GATAD2A: variants seen among roughly 807,000 people sequenced by gnomAD.
GATAD2A encodes the protein GATA zinc finger domain containing 2A, also known as transcriptional repressor p66-alpha.
Under a neutral mutation model 68.5 loss-of-function variants are expected in GATAD2A, and 12 were observed. The observed-to-expected ratio is 0.18, with a 90% CI of 0.11 to 0.28. The LOEUF is 0.28. Ranked by LOEUF, GATAD2A falls within the 10% of genes least tolerant of loss-of-function variation. GATAD2A has a pLI of 1.00. For synonymous variants in GATAD2A, 410 were observed against 375.3 expected (o/e 1.09, Z -1.07); for missense variants, 755 against 868.5 (o/e 0.87, Z 1.64).
At chr19:19,492,246 G>A in intron 2 of GATAD2A, 60 bp from the exon 3 acceptor site, 2 of 1,532,452 alleles carry the variant, frequency 1.3e-6, no homozygotes, top group Non-Finnish European at 1.8e-6. Context: ...GTGTCCACAG[G>A]GGTGGGCACT....
chr19:19,473,747 C>G (rs1228458936), intron 2 of GATAD2A, among the ~76,000 whole-genome samples: 1 of 148,034 alleles, frequency 6.8e-6, no homozygotes, highest in Admixed American at 6.8e-5. Flanking sequence ...ACCATCCTGG[C>G]TAACATGGTG....
intron 1 of GATAD2A, among the ~76,000 whole-genome samples, chr19:19,448,081 C>G (rs1042842939): frequency 1.3e-4 from 20 of 152,244 alleles, no homozygotes; most frequent in African/African-American, 4.1e-4. Flanking sequence ...AGGCGTAACC[C>G]TTCGTAGGCC....
intron 1 of GATAD2A, among the ~76,000 whole-genome samples, chr19:19,424,286 G>A (rs2052794006): frequency 6.6e-6 from 1 of 152,120 alleles, no homozygotes; most frequent in South Asian, 2.1e-4. Flanking sequence ...CTAGAGTGCA[G>A]TGGCGTGATA....
intron 1 of GATAD2A, among the ~76,000 whole-genome samples, chr19:19,394,257 A>G (rs897420711): frequency 4.6e-5 from 7 of 152,204 alleles, no homozygotes; most frequent in Admixed American, 3.9e-4. Flanking sequence ...ATGGCAATGC[A>G]TATTACACTA....
At chr19:19,417,869 A>G (rs749260058) in intron 1 of GATAD2A, among the ~76,000 whole-genome samples, 1 of 152,104 alleles carries the variant, frequency 6.6e-6, no homozygotes, top group African/African-American at 2.4e-5. Flanking sequence ...CTGTTTGACA[A>G]CTGTTGGAGT....
intron 1 of GATAD2A, among the ~76,000 whole-genome samples, chr19:19,407,420 G>T (rs900177463): frequency 6.6e-6 from 1 of 152,188 alleles, no homozygotes; most frequent in African/African-American, 2.4e-5. Flanking sequence ...CAATCCCGTG[G>T]GGAGTAGGGA....
At chr19:19,501,538 G>T in intron 9 of GATAD2A, 122 bp downstream of exon 9, 1 of 778,938 alleles carries the variant, frequency 1.3e-6, no homozygotes, top group African/African-American at 1.7e-5. Flanking sequence ...AGTTAATGGT[G>T]GTGTTGGGCG....
chr19:19,442,614 T>C (rs1273555030), intron 1 of GATAD2A, among the ~76,000 whole-genome samples: 1 of 151,512 alleles, frequency 6.6e-6, no homozygotes, highest in South Asian at 2.1e-4. Context: ...GGCAACAGAG[T>C]AAGACTGTGT....
chr19:19,413,912 G>A (rs1219787531), intron 1 of GATAD2A, among the ~76,000 whole-genome samples: 2 of 152,094 alleles, frequency 1.3e-5, no homozygotes, highest in African/African-American at 4.8e-5. Context: ...TAATACGTTC[G>A]TTTGATGAAC....
intron 2 of GATAD2A, among the ~76,000 whole-genome samples, chr19:19,467,104 G>A (rs186767220): frequency 3.6e-4 from 55 of 152,322 alleles, no homozygotes; most frequent in Admixed American, 6.5e-4. Context: ...AGCTGGGCGC[G>A]GTGACTCACG....
intron 10 of GATAD2A, 46 bp downstream of exon 10, chr19:19,502,089 C>T: frequency 2.1e-6 from 3 of 1,401,980 alleles, no homozygotes; most frequent in Non-Finnish European, 3.0e-6. Flanking sequence ...CCCACCGCAG[C>T]CCGTGACCAC....
chr19:19,394,053 AT>A (rs1390612222), intron 1 of GATAD2A, among the ~76,000 whole-genome samples: 6 of 151,810 alleles, frequency 4.0e-5, no homozygotes, highest in Admixed American at 1.3e-4. Context: ...CGGCTGGCTA[AT>A]TTTTTGTGTT....
At chr19:19,425,707 G>A (rs1326428912) in intron 1 of GATAD2A, among the ~76,000 whole-genome samples, 4 of 152,154 alleles carry the variant, frequency 2.6e-5, no homozygotes. Context: ...CCCCAGTGCA[G>A]CAACTCCCAT....
At chr19:19,397,961 T>C (rs1278531663) in intron 1 of GATAD2A, among the ~76,000 whole-genome samples, 3 of 152,208 alleles carry the variant, frequency 2.0e-5, no homozygotes, top group Non-Finnish European at 4.4e-5. Context: ...TGGAGTGCAG[T>C]GGCGTGATCT....
At chr19:19,409,703 G>A (rs931035993) in intron 1 of GATAD2A, among the ~76,000 whole-genome samples, 10 of 151,320 alleles carry the variant, frequency 6.6e-5, no homozygotes, top group Admixed American at 5.3e-4. Flanking sequence ...GAAGTGGTTG[G>A]TGGTTGCAGC....
intron 1 of GATAD2A, among the ~76,000 whole-genome samples, chr19:19,430,387 A>G (rs1221859916): frequency 6.6e-6 from 1 of 152,184 alleles, no homozygotes; most frequent in African/African-American, 2.4e-5. Flanking sequence ...ACCATTAGCA[A>G]AGAGGGTCTG....
At chr19:19,452,180 TTGTC>T (rs542844024) in intron 1 of GATAD2A, among the ~76,000 whole-genome samples, 71 of 152,294 alleles carry the variant, frequency 4.7e-4, no homozygotes, top group African/African-American at 1.7e-3. Context: ...ACTGTTTCCT[TTGTC>T]TGTCTTCTGC....
chr19:19,498,758 T>C (rs1309323622), intron 8 of GATAD2A, 36 bp downstream of exon 8: 3 of 1,562,964 alleles, frequency 1.9e-6, no homozygotes, highest in Non-Finnish European at 2.6e-6. Context: ...TGCTTCCGCC[T>C]CTGGCCTCCA....
At chr19:19,440,044 A>C (rs949888995) in intron 1 of GATAD2A, 1 of 241,618 alleles carries the variant, frequency 4.1e-6, no homozygotes, top group African/African-American at 2.3e-5. Flanking sequence ...AGACTGGGCA[A>C]CTTGTGGTGG....
Sources: allele counts gnomAD v4.1 joint callset (sites outside exome capture counted in the v4.1 genomes callset), GRCh38; gene constraint gnomAD v4.1.1; transcripts MANE v1.5; gene names NCBI Gene and HGNC (gene_info 2026-07-23, HGNC 2026-07-21).